Variants in PTPN14 observed in about 807,000 individuals in gnomAD.
PTPN14 encodes the protein protein tyrosine phosphatase non-receptor type 14.
In PTPN14, 53 loss-of-function variants were observed where a neutral mutation model predicts 126.8. The ratio of observed to expected loss-of-function variants is 0.42; its 90% confidence interval spans 0.34 to 0.53. The LOEUF (loss-of-function observed/expected upper bound fraction) is 0.53, where lower values mean the gene tolerates loss of function less well. Ranked by LOEUF, PTPN14 falls within the 20% of genes least tolerant of loss-of-function variation. The pLI is 0.08. For synonymous variants in PTPN14, 630 were observed against 599.3 expected, an observed-to-expected ratio of 1.05 and a Z score of -0.75; for missense variants, 1,257 against 1,552.9, an observed-to-expected ratio of 0.81 and a Z score of 3.20.
At chr1:214,506,533 A>ATAAATAAATAAATAAATAAATAAG (rs1207541531) in intron 1 of PTPN14, among the ~76,000 whole-genome samples, 1 of 152,158 alleles carries the variant, frequency 6.6e-6, no homozygotes, top group African/African-American at 2.4e-5. Context: ...AAATAAATAA[A>ATAAATAAATAAATAAATAAATAAG]TAAATAAATA....
chr1:214,533,018 T>C, intron 1 of PTPN14: 1 of 753,976 alleles, frequency 1.3e-6, no homozygotes, highest in Non-Finnish European at 2.4e-6. Flanking sequence ...AGCACCACAG[T>C]GGTCACCACC....
intron 16 of PTPN14, among the ~76,000 whole-genome samples, chr1:214,371,766 G>C (rs573903917): frequency 1.2e-4 from 18 of 152,302 alleles, no homozygotes; most frequent in Admixed American, 3.9e-4. Flanking sequence ...TCAGCCCAGG[G>C]AAGTACAACT....
At chr1:214,547,831 C>T (rs7542891) in intron 1 of PTPN14, among the ~76,000 whole-genome samples, 2 of 151,888 alleles carry the variant, frequency 1.3e-5, no homozygotes, top group Non-Finnish European at 2.9e-5. Flanking sequence ...CTGCCTGGTC[C>T]CCCACCTCTC....
At chr1:214,478,893 C>A (rs925786573) in intron 1 of PTPN14, among the ~76,000 whole-genome samples, 1 of 151,940 alleles carries the variant, frequency 6.6e-6, no homozygotes, top group African/African-American at 2.4e-5. Context: ...AAATAAGTAA[C>A]AATAGTCAAT....
At chr1:214,440,877 C>T (rs1253450304) in intron 3 of PTPN14, among the ~76,000 whole-genome samples, 1 of 152,172 alleles carries the variant, frequency 6.6e-6, no homozygotes, top group Non-Finnish European at 1.5e-5. Flanking sequence ...TGCAAGGCGT[C>T]CCAATTCAGT....
intron 2 of PTPN14, among the ~76,000 whole-genome samples, chr1:214,452,439 G>A (rs1660292647): frequency 6.6e-6 from 1 of 152,222 alleles, no homozygotes; most frequent in South Asian, 2.1e-4. Context: ...CTTCTGCACT[G>A]TAGAATATTT....
chr1:214,360,564 C>T (rs1657932422), intron 18 of PTPN14, among the ~76,000 whole-genome samples: 1 of 152,176 alleles, frequency 6.6e-6, no homozygotes, highest in East Asian at 1.9e-4. Context: ...ATGAGGATTA[C>T]TCTGCGGTTG....
chr1:214,375,769 G>A (rs1457160987), intron 15 of PTPN14, among the ~76,000 whole-genome samples: 7 of 152,048 alleles, frequency 4.6e-5, no homozygotes, highest in African/African-American at 1.5e-4. Flanking sequence ...AATAGGACTC[G>A]CGCTTTTATA....
At chr1:214,399,529 T>C (rs1658968083) in intron 7 of PTPN14, among the ~76,000 whole-genome samples, 1 of 152,208 alleles carries the variant, frequency 6.6e-6, no homozygotes, top group Admixed American at 6.5e-5. Flanking sequence ...TCTTCAGGGC[T>C]TGTTTAAAGG....
At chr1:214,453,437 T>C (rs1411904647) in intron 2 of PTPN14, among the ~76,000 whole-genome samples, 1 of 152,246 alleles carries the variant, frequency 6.6e-6, no homozygotes, top group Non-Finnish European at 1.5e-5. Context: ...CACAAGTCAT[T>C]GAGCCTTCTA....
intron 1 of PTPN14, chr1:214,532,372 C>A: frequency 3.3e-6 from 2 of 609,482 alleles, no homozygotes; most frequent in Non-Finnish European, 5.9e-6. Context: ...CGGGGCCTGG[C>A]CGCAGGGATG....
At chr1:214,413,966 C>T (rs1383318601) in intron 4 of PTPN14, among the ~76,000 whole-genome samples, 2 of 147,120 alleles carry the variant, frequency 1.4e-5, no homozygotes, top group Non-Finnish European at 2.9e-5. Flanking sequence ...ACCGCGCTGG[C>T]CTATCTTGCT....
chr1:214,433,977 A>G (rs1659856224), intron 3 of PTPN14, among the ~76,000 whole-genome samples: 1 of 123,672 alleles, frequency 8.1e-6, no homozygotes, highest in Non-Finnish European at 1.8e-5. Flanking sequence ...AAAAAACTCA[A>G]AAAATTTAGC....
At chr1:214,405,308 C>A (rs1274534831) in intron 5 of PTPN14, among the ~76,000 whole-genome samples, 1 of 152,180 alleles carries the variant, frequency 6.6e-6, no homozygotes, top group African/African-American at 2.4e-5. Context: ...GCATTTCTTA[C>A]ACAGTTATGT....
intron 1 of PTPN14, among the ~76,000 whole-genome samples, chr1:214,511,474 G>T (rs1422984209): frequency 6.8e-6 from 1 of 146,094 alleles, no homozygotes; most frequent in East Asian, 2.1e-4. Context: ...CACCTCACAG[G>T]ATGGCCCTTA....
chr1:214,528,484 C>T (rs1051241797), intron 1 of PTPN14: 1 of 152,130 alleles, frequency 6.6e-6, no homozygotes, highest in East Asian at 1.9e-4. Flanking sequence ...AGTATTCTCA[C>T]AATATATTGC....
chr1:214,429,457 TTC>T (rs1659748155), intron 3 of PTPN14, among the ~76,000 whole-genome samples: 1 of 152,224 alleles, frequency 6.6e-6, no homozygotes, highest in Non-Finnish European at 1.5e-5. Context: ...GCTTTTATAA[TTC>T]TTAATTTGAA....
intron 13 of PTPN14, among the ~76,000 whole-genome samples, chr1:214,379,148 A>G (rs557798399): frequency 6.6e-6 from 1 of 152,324 alleles, no homozygotes; most frequent in Admixed American, 6.5e-5. Context: ...TCCTCATAGA[A>G]GCAGATGAGT....
rs947581517 is a variant in PTPN14, at chr1:214,371,789, C to A, written c.3036+922G>T. On this transcript the variant is annotated intron_variant, in intron 16 of 18. Transcript: ENST00000366956. ...GGGAAGTACAACTGGCTTTAAAGAG[C>A]CTGATGTCCCTTTCATTATTTTCTT... Among the ~76,000 whole-genome samples, 4 of 152,202 alleles carry A rather than the reference C, an allele frequency of 2.6e-5. No homozygotes were observed. The East Asian group carries it at 7.7e-4, about 29-fold the overall frequency.
Sources: gnomAD v4.1 joint callset for allele counts (sites outside exome capture counted in the v4.1 genomes callset) on GRCh38, gnomAD v4.1.1 for gene constraint, MANE v1.5 for transcripts, NCBI Gene and HGNC (gene_info 2026-07-23, HGNC 2026-07-21) for gene names.